RPS6KC1: variants seen among roughly 807,000 people sequenced by gnomAD.
RPS6KC1 encodes the protein ribosomal protein S6 kinase C1, also known as inactive ribosomal protein S6 kinase delta-1.
A neutral mutation model predicts 103.8 loss-of-function variants in RPS6KC1; 54 were observed. That is an observed-to-expected ratio of 0.52 (90% CI 0.42 to 0.65). RPS6KC1 has a LOEUF of 0.65. Ranked by LOEUF, RPS6KC1 falls within the 30% of genes least tolerant of loss-of-function variation. RPS6KC1 has a pLI of 0.00. For missense variants in RPS6KC1, 1,151 were observed against 1,253.8 expected (o/e 0.92, Z 1.24); for synonymous variants, 439 against 438.7 (o/e 1.00, Z -0.01).
rs771863420 is a variant in RPS6KC1 at position 213,071,014 on chromosome 1, A to G, written c.114A>G (p.Ser38=). The part of the protein sequence containing the change: ...TVYKVTARVV[S]RRNPEDVQEI... ...TGTATGTTTTGTTTTAGGTTGTTTCACGAAGAAATCCAGAGGATGTCCAGG... is the reference window on the plus strand; with the variant it reads ...TGTATGTTTTGTTTTAGGTTGTTTCGCGAAGAAATCCAGAGGATGTCCAGG... The change falls in exon 2 of 15, where the codon TCA becomes TCG. Residue 38 remains serine, a synonymous_variant. Coordinates refer to ENST00000366960, the MANE Select transcript of RPS6KC1 (RefSeq NM_012424.6). 7 of 1,544,038 alleles carry G rather than the reference A, an allele frequency of 4.5e-6. No homozygotes were observed. In the South Asian group the frequency reaches 8.4e-5, roughly 19 times the overall value.
At chr1:213,330,954 G>T in the RPS6KC1 span, among the ~76,000 whole-genome samples, 1 of 152,182 alleles carries the variant, frequency 6.6e-6, no homozygotes, top group Non-Finnish European at 1.5e-5. Flanking sequence ...GAGGCAATCT[G>T]CTGGAAAGGC....
At chr1:213,141,796 T>C (rs898435035) in intron 6 of RPS6KC1, among the ~76,000 whole-genome samples, 1 of 152,054 alleles carries the variant, frequency 6.6e-6, no homozygotes, top group Non-Finnish European at 1.5e-5. Context: ...GCTTTAGCTA[T>C]GTCCCAGAAA....
chr1:213,147,697 A>G (rs892728671), intron 6 of RPS6KC1, among the ~76,000 whole-genome samples: 1 of 152,162 alleles, frequency 6.6e-6, no homozygotes, highest in Non-Finnish European at 1.5e-5. Flanking sequence ...GTGGTTCCAT[A>G]TAAATTTTAG....
intron 8 of RPS6KC1, among the ~76,000 whole-genome samples, chr1:213,200,298 T>G (rs1299730839): frequency 2.0e-5 from 3 of 151,594 alleles, no homozygotes; most frequent in African/African-American, 7.2e-5. Flanking sequence ...CATAGACCAA[T>G]GGAACAGAAT....
the RPS6KC1 span, among the ~76,000 whole-genome samples, chr1:213,602,577 C>T: frequency 6.6e-6 from 1 of 151,970 alleles, no homozygotes; most frequent in South Asian, 2.1e-4. Context: ...GAAAGAATAA[C>T]ATTTTATAGT....
chr1:213,203,797 G>C (rs1287558069), intron 8 of RPS6KC1, among the ~76,000 whole-genome samples: 1 of 152,124 alleles, frequency 6.6e-6, no homozygotes, highest in Non-Finnish European at 1.5e-5. Flanking sequence ...ACACTGTTAA[G>C]GGCCCCATTA....
At chr1:213,486,139 T>A in the RPS6KC1 span, among the ~76,000 whole-genome samples, 1 of 152,200 alleles carries the variant, frequency 6.6e-6, no homozygotes, top group Non-Finnish European at 1.5e-5. Flanking sequence ...TTGGCAAAGA[T>A]AATCTTTTCT....
the RPS6KC1 span, among the ~76,000 whole-genome samples, chr1:213,390,924 T>G: frequency 0.91 from 138,325 of 152,080 alleles, 63,089 homozygotes; most frequent in East Asian, 1. Flanking sequence ...ATTCCATACT[T>G]CTCAAACAAC....
At chr1:213,826,075 G>A in the RPS6KC1 span, among the ~76,000 whole-genome samples, 1 of 152,128 alleles carries the variant, frequency 6.6e-6, no homozygotes, top group South Asian at 2.1e-4. Context: ...GTAATGACTA[G>A]TTGCCAAGGA....
the RPS6KC1 span, among the ~76,000 whole-genome samples, chr1:213,728,742 A>G: frequency 0.27 from 41,450 of 151,710 alleles, 6,338 homozygotes; most frequent in East Asian, 0.55. Context: ...GGGGATGGCA[A>G]TTCTGGCTTC....
At chr1:213,761,169 TTG>T in the RPS6KC1 span, among the ~76,000 whole-genome samples, 1 of 152,182 alleles carries the variant, frequency 6.6e-6, no homozygotes, top group East Asian at 1.9e-4. Flanking sequence ...GGCATCCCGT[TTG>T]TCTGTCCAGA....
At chr1:213,118,904 C>T (rs1479151381) in intron 5 of RPS6KC1, among the ~76,000 whole-genome samples, 2 of 151,624 alleles carry the variant, frequency 1.3e-5, no homozygotes, top group South Asian at 2.1e-4. Flanking sequence ...GTGTCGGGGG[C>T]GGTGGTGGTA....
chr1:213,776,164 T>C, the RPS6KC1 span, among the ~76,000 whole-genome samples: 1 of 152,236 alleles, frequency 6.6e-6, no homozygotes, highest in South Asian at 2.1e-4. Context: ...CTCCTATTAA[T>C]GTGGACATTT....
At chr1:213,704,417 G>C in the RPS6KC1 span, among the ~76,000 whole-genome samples, 1 of 143,998 alleles carries the variant, frequency 6.9e-6, no homozygotes, top group Non-Finnish European at 1.5e-5. Flanking sequence ...AAAAAACTCT[G>C]ATGTATTCTT....
the RPS6KC1 span, among the ~76,000 whole-genome samples, chr1:213,384,283 A>AATATATAT: frequency 4.3e-4 from 62 of 145,200 alleles, no homozygotes; most frequent in African/African-American, 1.6e-3. Context: ...CTCAAAAAAA[A>AATATATAT]ATATATATAT....
At chr1:213,336,097 TA>T in the RPS6KC1 span, among the ~76,000 whole-genome samples, 2 of 152,366 alleles carry the variant, frequency 1.3e-5, no homozygotes, top group South Asian at 4.1e-4. Context: ...AAAATGCTAA[TA>T]TTTGCTACAC....
chr1:213,677,564 T>C, the RPS6KC1 span, among the ~76,000 whole-genome samples: 1 of 152,224 alleles, frequency 6.6e-6, no homozygotes, highest in African/African-American at 2.4e-5. Flanking sequence ...GTGGCATTAA[T>C]GTAAACCCGG....
At chr1:213,224,338 C>T (rs190236601) in intron 8 of RPS6KC1, among the ~76,000 whole-genome samples, 2 of 152,258 alleles carry the variant, frequency 1.3e-5, no homozygotes, top group Non-Finnish European at 2.9e-5. Context: ...ACAGATGAGG[C>T]TAATCCTTAA....
chr1:213,271,771 A>AG (rs1203975537), intron 14 of RPS6KC1, among the ~76,000 whole-genome samples: 1 of 151,618 alleles, frequency 6.6e-6, no homozygotes, highest in African/African-American at 2.4e-5. Context: ...CTCAAAAAAA[A>AG]AAAAAAAAAA....
Sources: gnomAD v4.1 joint callset for allele counts (sites outside exome capture counted in the v4.1 genomes callset) on GRCh38, gnomAD v4.1.1 for gene constraint, MANE v1.5 for transcripts, NCBI Gene and HGNC (gene_info 2026-07-23, HGNC 2026-07-21) for gene names.